ZNF221: variants seen among roughly 807,000 people sequenced by gnomAD.
ZNF221 encodes the protein zinc finger protein 221.
Under a neutral mutation model 12.6 loss-of-function variants are expected in ZNF221, and 10 were observed. The observed-to-expected ratio is 0.79, with a 90% CI of 0.49 to 1.34. The LOEUF is 1.34. Among genes scored for constraint, ZNF221 ranks in the 40% most tolerant of loss-of-function variants. The probability of loss-of-function intolerance (pLI) is 0.00; values close to 1 mark genes in which losing one functional copy is unlikely to be tolerated. For missense variants in ZNF221, 661 were observed against 721.4 expected, an observed-to-expected ratio of 0.92 and a Z score of 0.96; for synonymous variants, 232 against 244.0, an observed-to-expected ratio of 0.95 and a Z score of 0.46.
intron 1 of ZNF221, among the ~76,000 whole-genome samples, chr19:43,951,936 C>T (rs1974679210): frequency 7.2e-6 from 1 of 139,740 alleles, no homozygotes; most frequent in Non-Finnish European, 1.5e-5. Context: ...TGCAGTGGCG[C>T]GATCTCGGCT....
At chr19:43,951,849 C>CTTTTTTTTTTTTTTTTTTTTTTTTTTTTT (rs758081943) in intron 1 of ZNF221, among the ~76,000 whole-genome samples, 1 of 62,552 alleles carries the variant, frequency 1.6e-5, no homozygotes, top group African/African-American at 6.6e-5. Flanking sequence ...TCTTTGACCT[C>CTTTTTTTTTTTTTTTTTTTTTTTTTTTTT]TTTTTTTTTT....
At chr19:43,979,274 A>G in the ZNF221 span, among the ~76,000 whole-genome samples, 1 of 152,120 alleles carries the variant, frequency 6.6e-6, no homozygotes, top group Non-Finnish European at 1.5e-5. Flanking sequence ...TTGACCTCCA[A>G]CCTCATTTCT....
chr19:43,962,597 G>T (rs1283922914), intron 1 of ZNF221, 128 bp from the exon 2 acceptor site: 2 of 882,512 alleles, frequency 2.3e-6, no homozygotes, highest in Non-Finnish European at 3.7e-6. Flanking sequence ...CTTGTTTGCA[G>T]TTTGGGGTTA....
At position 43,967,153 on chromosome 19, in the gene ZNF221, A is replaced by G. The variant is rs1368841685; in HGVS notation, c.1651A>G (p.Met551Val). ...GTACAACAGTAAATTTAATCTTGAC[A>G]TGCACCAGAGGGTCCACGGGGGAGA... ...KGYNSKFNLD[M>V]HQRVHGGERP... Residue 551 changes from methionine (M) to valine (V), a missense_variant, in exon 5 of 5, where the codon ATG (methionine) becomes GTG (valine). By Grantham distance (21) the Met-to-Val change is conservative. Transcript: ENST00000587682. 8 of 1,591,348 alleles carry G rather than the reference A, an allele frequency of 5.0e-6. No individual in the cohort carries two copies. Among genetic ancestry groups the G allele is most frequent in the Non-Finnish European group, 6.9e-6 (8 of 1,166,662 alleles).
the ZNF221 span, among the ~76,000 whole-genome samples, chr19:43,981,394 A>G: frequency 6.6e-6 from 1 of 152,218 alleles, no homozygotes; most frequent in African/African-American, 2.4e-5. Flanking sequence ...CAAAATTTCT[A>G]TTAATATCTT....
At chr19:43,952,466 T>C (rs1257482390) in intron 1 of ZNF221, among the ~76,000 whole-genome samples, 3 of 152,238 alleles carry the variant, frequency 2.0e-5, no homozygotes, top group Non-Finnish European at 4.4e-5. Context: ...TCTTAATTGC[T>C]ATCTTCAATT....
At chr19:43,963,197 A>G (rs1486158847) in intron 2 of ZNF221, among the ~76,000 whole-genome samples, 1 of 152,150 alleles carries the variant, frequency 6.6e-6, no homozygotes, top group African/African-American at 2.4e-5. Flanking sequence ...TATTGGTATC[A>G]TAGTCCCAAT....
intron 1 of ZNF221, among the ~76,000 whole-genome samples, chr19:43,959,908 TAA>T (rs1164795187): frequency 6.6e-6 from 1 of 152,066 alleles, no homozygotes; most frequent in Non-Finnish European, 1.5e-5. Context: ...TGGAACTGGC[TAA>T]TGGGCAGAGG....
chr19:43,968,352 A>T (rs11670342), downstream of ZNF221, among the ~76,000 whole-genome samples: 13,930 of 152,264 alleles, frequency 0.091, 823 homozygotes, highest in East Asian at 0.14. Flanking sequence ...ATCTCTAATG[A>T]TGGACATGTC....
chr19:43,964,178 A>G (rs1974897342), intron 2 of ZNF221, among the ~76,000 whole-genome samples: 1 of 152,210 alleles, frequency 6.6e-6, no homozygotes, highest in Non-Finnish European at 1.5e-5. Flanking sequence ...TGACAGTTAT[A>G]ATAAAAATAG....
downstream of ZNF221, among the ~76,000 whole-genome samples, chr19:43,972,484 GA>G (rs1478412039): frequency 6.6e-6 from 1 of 151,354 alleles, no homozygotes; most frequent in East Asian, 1.9e-4. Flanking sequence ...CTGGTTTTTT[GA>G]AAAAAATTAA....
rs763141607 is a variant in ZNF221, at chr19:43,967,145, A to G, written c.1643A>G (p.Asn548Ser). 1.6e-5 allele frequency: 25 copies of G among 1,593,810 alleles called. No homozygotes were observed. The highest frequency in any genetic ancestry group is 2.1e-5 in the Non-Finnish European group (25 of 1,167,448). Residue 548 changes from asparagine to serine, a missense_variant, in exon 5 of 5, where the codon AAT becomes AGT. Asn to Ser is a conservative substitution (Grantham distance 46). Transcript: ENST00000587682. ...QCEKGYNSKF[N>S]LDMHQRVHGG... ...GAGAAGGGGTACAACAGTAAATTTAATCTTGACATGCACCAGAGGGTCCAC... is the reference window on the plus strand; with the variant it reads ...GAGAAGGGGTACAACAGTAAATTTAGTCTTGACATGCACCAGAGGGTCCAC...
chr19:43,954,681 T>G (rs1437240324), intron 1 of ZNF221, among the ~76,000 whole-genome samples: 1 of 152,194 alleles, frequency 6.6e-6, no homozygotes, highest in Non-Finnish European at 1.5e-5. Flanking sequence ...AGTTATGGTT[T>G]CTTGCTTAGG....
downstream of ZNF221, among the ~76,000 whole-genome samples, chr19:43,970,219 C>A (rs978139227): frequency 4.0e-5 from 6 of 151,636 alleles, no homozygotes; most frequent in Non-Finnish European, 5.9e-5. Context: ...AGGCAGAAAA[C>A]AACAAGAACA....
the ZNF221 span, among the ~76,000 whole-genome samples, chr19:43,978,935 T>TGTG: frequency 4.2e-3 from 497 of 117,126 alleles, 1 homozygote; most frequent in East Asian, 0.027. Flanking sequence ...GTGTGTGTGT[T>TGTG]TTTTTTTTTT....
intron 1 of ZNF221, among the ~76,000 whole-genome samples, chr19:43,952,802 G>A (rs367241): frequency 0.97 from 148,150 of 152,284 alleles, 72,189 homozygotes; most frequent in East Asian, 1. Flanking sequence ...TTAAAACTTT[G>A]TCAACTATTT....
chr19:43,969,334 C>CTT (rs60512580), downstream of ZNF221, among the ~76,000 whole-genome samples: 16 of 57,998 alleles, frequency 2.8e-4, no homozygotes, highest in African/African-American at 1.0e-3. Context: ...CAGACTGCTG[C>CTT]TTTTTTTTTT....
chr19:43,953,919 C>CA (rs1974714060), intron 1 of ZNF221, among the ~76,000 whole-genome samples: 1 of 151,700 alleles, frequency 6.6e-6, no homozygotes, highest in Non-Finnish European at 1.5e-5. Context: ...CCCATCTCTA[C>CA]AAAAAATAGA....
chr19:43,962,912 A>G, intron 2 of ZNF221, 105 bp downstream of exon 2: 1 of 1,111,162 alleles, frequency 9.0e-7, no homozygotes, highest in Non-Finnish European at 1.3e-6. Flanking sequence ...CAAGCATTTG[A>G]GGGCATTTTG....
Sources: allele counts gnomAD v4.1 joint callset (sites outside exome capture counted in the v4.1 genomes callset), GRCh38; gene constraint gnomAD v4.1.1; transcripts MANE v1.5; gene names NCBI Gene and HGNC (gene_info 2026-07-23, HGNC 2026-07-21).